PLCH2: variants seen among roughly 807,000 people sequenced by gnomAD.
PLCH2 encodes 1-phosphatidylinositol 4,5-bisphosphate phosphodiesterase eta-2.
PLCH2 carries 98 observed loss-of-function variants against 134.7 expected under a neutral mutation model. The observed-to-expected ratio is 0.73, with a 90% CI of 0.62 to 0.86. The LOEUF is 0.86. PLCH2 is among the 40% of genes least tolerant of loss of function. PLCH2 has a pLI of 0.00. For missense variants in PLCH2, 1,994 were observed against 1,986.6 expected (o/e 1.00, Z -0.07); for synonymous variants, 974 against 827.5 (o/e 1.18, Z -3.04).
intron 2 of PLCH2, among the ~76,000 whole-genome samples, chr1:2,456,389 C>T (rs12734526): frequency 0.15 from 22,268 of 152,190 alleles, 1,816 homozygotes; most frequent in East Asian, 0.28. Context: ...CCCTGGGGGG[C>T]GGGTGGCGCT....
chr1:2,441,729 A>C (rs6673880), intron 2 of PLCH2, among the ~76,000 whole-genome samples: 44 of 152,070 alleles, frequency 2.9e-4, no homozygotes, highest in African/African-American at 8.4e-4. Context: ...CCCGTGGGCC[A>C]GTGTGGCCAA....
chr1:2,456,246 T>A (rs1331317625), intron 2 of PLCH2, among the ~76,000 whole-genome samples: 1 of 152,092 alleles, frequency 6.6e-6, no homozygotes, highest in Non-Finnish European at 1.5e-5. Context: ...CTTTGTCGGA[T>A]TTAGGCCTCC....
chr1:2,500,201 G>T (rs1643139122), intron 20 of PLCH2: 1 of 171,586 alleles, frequency 5.8e-6, no homozygotes, highest in South Asian at 1.5e-4. Context: ...AGGTCAGGGT[G>T]GGGCCTCGGC....
chr1:2,456,856 C>T (rs1020284300), intron 2 of PLCH2, among the ~76,000 whole-genome samples: 21 of 152,136 alleles, frequency 1.4e-4, no homozygotes, highest in African/African-American at 3.9e-4. Context: ...GCTGGGTCTG[C>T]GGAGAGCAGG....
At chr1:2,479,687 C>A in intron 2 of PLCH2, 47 bp from the exon 3 acceptor site, 1 of 1,503,232 alleles carries the variant, frequency 6.7e-7, no homozygotes, top group Non-Finnish European at 9.0e-7. Flanking sequence ...AGCAGGGGGA[C>A]GCTGGGCCCC....
chr1:2,416,932 G>T, the PLCH2 span, among the ~76,000 whole-genome samples: 1 of 152,188 alleles, frequency 6.6e-6, no homozygotes, highest in African/African-American at 2.4e-5. Context: ...GCCTGGGGGG[G>T]CCCTGGGGCT....
At chr1:2,461,574 C>A (rs1640803252) in intron 2 of PLCH2, among the ~76,000 whole-genome samples, 1 of 152,154 alleles carries the variant, frequency 6.6e-6, no homozygotes, top group South Asian at 2.1e-4. Flanking sequence ...GCTGGGTTAC[C>A]CAGCCCTGGG....
Position 2,496,062 on chromosome 1 carries a change from C to T in PLCH2, c.1835+492C>T, listed in dbSNP as rs562527555. 5.3e-5 allele frequency among the ~76,000 whole-genome samples: 8 copies of T among 152,256 alleles called. No homozygotes were observed. The East Asian group carries it at 5.8e-4, about 11-fold the overall frequency. ...CCCCTCCCGGACCCTGGGCTCCCCC[C>T]GTGCCGCCCACTCCCTCCTATTGCC... is the stretch of plus-strand genomic sequence containing the variant. On this transcript the variant is annotated intron_variant, in intron 13 of 21. Coordinates refer to ENST00000378486, the MANE Select transcript of PLCH2 (RefSeq NM_014638.4).
At chr1:2,438,600 C>T (rs1570253206) in intron 2 of PLCH2, among the ~76,000 whole-genome samples, 1 of 152,228 alleles carries the variant, frequency 6.6e-6, no homozygotes, top group Admixed American at 6.5e-5. Flanking sequence ...GGTGCTTCTC[C>T]ACATCGTCTT....
In PLCH2 at chr1:2,439,074, C is replaced by T. The variant is rs148230375; in HGVS notation, c.115+8445C>T. Among the ~76,000 whole-genome samples the T allele has an allele frequency of 2.8e-4, 43 of 152,318 alleles. No individual in the cohort carries two copies. In the South Asian group the frequency reaches 2.9e-3, roughly 10 times the overall value. On this transcript the variant is annotated intron_variant, in intron 2 of 3. Transcript: ENST00000609981. This position sits in a 1 kb window ranked among gnomAD's most constrained non-coding sequence, Gnocchi z 4.7. ...GGGTCCCTGTCTTGCTAGACCTGGA[C>T]GGAAATATCTCCCTTGCCAATGAGA...
rs1169354252 is a variant in PLCH2, at chr1:2,499,241, G to A, written c.2581+11G>A. 5.6e-6 allele frequency: 9 copies of A among 1,612,022 alleles called. No homozygotes were observed. The African/African-American group carries it at 1.1e-4, about 19-fold the overall frequency. ...GCAGCATGATGCCAGGTGGGCAGGAGTGGACACGGTGCCCCCCACACTGGC... is the reference window on the plus strand; with the variant it reads ...GCAGCATGATGCCAGGTGGGCAGGAATGGACACGGTGCCCCCCACACTGGC... On this transcript the variant is annotated intron_variant, in intron 19 of 21. Coordinates refer to ENST00000378486, the MANE Select transcript of PLCH2 (RefSeq NM_014638.4).
At chr1:2,426,003 G>C (rs968450840) in exon 1 of PLCH2, 11 of 152,354 alleles carry the variant, frequency 7.2e-5, no homozygotes, top group African/African-American at 2.4e-4. Context: ...GCAGCTTTCT[G>C]TTCTCCCTGG....
intron 1 of PLCH2, among the ~76,000 whole-genome samples, 198 bp from the exon 2 acceptor site, chr1:2,478,278 G>A (rs1355911652): frequency 6.6e-6 from 1 of 152,216 alleles, no homozygotes; most frequent in Non-Finnish European, 1.5e-5. Flanking sequence ...CTGGGGTGGA[G>A]GTGGCCCTGG....
chr1:2,443,850 C>T (rs1186454299), intron 2 of PLCH2, among the ~76,000 whole-genome samples: 1 of 149,606 alleles, frequency 6.7e-6, no homozygotes, highest in Non-Finnish European at 1.5e-5. Flanking sequence ...AGCCCCAGCC[C>T]GAGCCCGAGC....
chr1:2,447,418 C>A (rs529795538), intron 2 of PLCH2, among the ~76,000 whole-genome samples: 1 of 152,308 alleles, frequency 6.6e-6, no homozygotes, highest in African/African-American at 2.4e-5. Context: ...CAGGGCTCCC[C>A]CTCCCCTCCC....
rs763181114 is a variant in PLCH2, at chr1:2,491,311, C to T, written c.1635C>T (p.Ser545=). The T allele has an allele frequency of 1.2e-6, 2 of 1,613,200 alleles. No homozygotes were observed. The highest frequency in any genetic ancestry group is 1.1e-5 in the South Asian group (1 of 91,082). The stretch of plus-strand genomic sequence containing the variant: ...ACAACTTCTCCGTCTCCACACTGTC[C>T]CCATCTGGAAAGCTCGGACGCAAGG... The part of the protein sequence containing the change: ...DPNNFSVSTL[S]PSGKLGRKSK... The change falls in exon 11 of 22, where the codon TCC becomes TCT. Residue 545 remains serine (S), a synonymous_variant. Transcript: ENST00000378486.
At chr1:2,463,097 T>C (rs1640901078), upstream of PLCH2, among the ~76,000 whole-genome samples, 1 of 152,220 alleles carries the variant, frequency 6.6e-6, no homozygotes, top group South Asian at 2.1e-4. Context: ...TGTCTTTAAA[T>C]GTGCGCTTGG....
chr1:2,452,012 G>C (rs1385908395), intron 2 of PLCH2, among the ~76,000 whole-genome samples: 1 of 152,224 alleles, frequency 6.6e-6, no homozygotes, highest in Non-Finnish European at 1.5e-5. Context: ...GGGCCTGTCG[G>C]AGGAGGCTGA....
chr1:2,463,455 G>A (rs1051544425), upstream of PLCH2, among the ~76,000 whole-genome samples: 1 of 152,224 alleles, frequency 6.6e-6, no homozygotes, highest in Non-Finnish European at 1.5e-5. Context: ...TGCTGAACGG[G>A]GCTGCAGCCG....
Sources: gnomAD v4.1 joint callset for allele counts (sites outside exome capture counted in the v4.1 genomes callset) on GRCh38, gnomAD v4.1.1 for gene constraint, Gnocchi (gnomAD v3.1) non-coding constraint, MANE v1.5 for transcripts, NCBI Gene and HGNC (gene_info 2026-07-23, HGNC 2026-07-21) for gene names.